The following COL24A1 variants were observed in gnomAD, a reference collection of about 807,000 sequenced individuals.
The protein encoded by COL24A1 is collagen alpha-1(XXIV) chain.
Under a neutral mutation model 253.9 loss-of-function variants are expected in COL24A1, and 224 were observed. The ratio of observed to expected loss-of-function variants is 0.88; its 90% CI spans 0.79 to 0.99. The LOEUF (loss-of-function observed/expected upper bound fraction) is 0.99, where lower values mean the gene tolerates loss of function less well. COL24A1 is among the 50% of genes least tolerant of loss of function. COL24A1 has a pLI of 0.00. For synonymous variants in COL24A1, 685 were observed against 673.7 expected (o/e 1.02, Z -0.26); for missense variants, 2,131 against 2,068.5 (o/e 1.03, Z -0.59).
chr1:86,092,220 T>C, intron 6 of COL24A1, 47 bp downstream of exon 6: 1 of 1,398,596 alleles, frequency 7.2e-7, no homozygotes, highest in East Asian at 2.3e-5. Context: ...TATTTTAAAA[T>C]GCTTGAAATA....
Position 86,092,314 on chromosome 1 carries a change from T to C in COL24A1, c.1606A>G (p.Lys536Glu). The change falls in exon 6 of 60, where the codon AAA (lysine) becomes GAA (glutamate). Residue 536 changes from lysine (K) to glutamate (E), a missense_variant. By Grantham distance (56) the Lys-to-Glu change is moderately conservative. Transcript: ENST00000370571. ...CCTGGGGAAAATCCTGGATCTCCTT[T>C]GGGGCCCTAAATAAAATAGTTATAA... is the stretch of plus-strand genomic sequence containing the variant. The part of the protein sequence containing the change: ...LPGLPGPKGP[K>E]GDPGFSPGQP... 1 of 1,605,150 alleles carries C rather than the reference T, an allele frequency of 6.2e-7. No homozygotes were observed. The highest frequency in any genetic ancestry group is 8.5e-7 in the Non-Finnish European group (1 of 1,173,358).
intron 19 of COL24A1, among the ~76,000 whole-genome samples, chr1:85,996,419 T>C (rs954669445): frequency 1.3e-5 from 2 of 151,748 alleles, no homozygotes; most frequent in African/African-American, 4.8e-5. Context: ...CTCACACCTG[T>C]AATCCTAGCA....
At chr1:86,060,983 A>C (rs1701045703) in intron 8 of COL24A1, among the ~76,000 whole-genome samples, 1 of 151,998 alleles carries the variant, frequency 6.6e-6, no homozygotes, top group Admixed American at 6.6e-5. Context: ...ATATTATCTT[A>C]TTCAATCTAC....
chr1:85,991,701 G>A lies in COL24A1; in HGVS notation c.2311-4047C>T, dbSNP rs542777188. 3.2e-4 allele frequency among the ~76,000 whole-genome samples: 49 copies of A among 152,224 alleles called. No individual in the cohort carries two copies. The South Asian group carries it at 9.7e-3, about 30-fold the overall frequency. ...CTCTGCTCCTTAAAACGTCATTAAA[G>A]TATCAGTGGAGAAATATTAAAAAGA... is the stretch of plus-strand genomic sequence containing the variant. On this transcript the variant is annotated intron_variant, in intron 19 of 59. Coordinates refer to ENST00000370571, the MANE Select transcript of COL24A1 (RefSeq NM_152890.7).
intron 2 of COL24A1, among the ~76,000 whole-genome samples, chr1:86,129,118 A>C (rs570669534): frequency 6.6e-6 from 1 of 151,900 alleles, no homozygotes; most frequent in South Asian, 2.1e-4. Context: ...AATCTCTTCT[A>C]TGTTAATTGA....
At chr1:85,772,520 C>G (rs568770989) in intron 53 of COL24A1, among the ~76,000 whole-genome samples, 1 of 151,660 alleles carries the variant, frequency 6.6e-6, no homozygotes, top group African/African-American at 2.4e-5. Flanking sequence ...ATGTTTATTG[C>G]GGCGTTATTC....
At chr1:86,060,522 G>A (rs577063110) in intron 8 of COL24A1, among the ~76,000 whole-genome samples, 4 of 152,102 alleles carry the variant, frequency 2.6e-5, no homozygotes, top group Non-Finnish European at 5.9e-5. Flanking sequence ...ACAGACCAAG[G>A]AAATGAAAAA....
At chr1:85,822,913 T>C (rs1469530730) in intron 45 of COL24A1, among the ~76,000 whole-genome samples, 1 of 152,184 alleles carries the variant, frequency 6.6e-6, no homozygotes, top group African/African-American at 2.4e-5. Flanking sequence ...GCAAAATTCT[T>C]GTTAGGTCAG....
intron 9 of COL24A1, among the ~76,000 whole-genome samples, chr1:86,058,608 C>T (rs1700832546): frequency 2.0e-5 from 3 of 151,466 alleles, no homozygotes; most frequent in Non-Finnish European, 3.0e-5. Context: ...TATTAATCTA[C>T]ATGAAGTACA....
intron 24 of COL24A1, among the ~76,000 whole-genome samples, chr1:85,923,704 C>A (rs1052737756): frequency 2.6e-5 from 4 of 152,030 alleles, no homozygotes; most frequent in African/African-American, 9.7e-5. Context: ...ACTAAATGCC[C>A]ACAAGAGAAA....
intron 32 of COL24A1, among the ~76,000 whole-genome samples, chr1:85,885,377 G>GTATATATA (rs1553213698): frequency 1.5e-5 from 2 of 135,958 alleles, no homozygotes; most frequent in African/African-American, 5.4e-5. Context: ...ATTTTTGTGT[G>GTATATATA]TATATATATA....
intron 7 of COL24A1, among the ~76,000 whole-genome samples, chr1:86,070,160 T>C (rs1701774926): frequency 6.6e-6 from 1 of 152,066 alleles, no homozygotes; most frequent in African/African-American, 2.4e-5. Flanking sequence ...AAGCAGAAAT[T>C]CCACAGTTGA....
At chr1:85,790,283 G>C (rs1245383140) in intron 47 of COL24A1, among the ~76,000 whole-genome samples, 1 of 152,150 alleles carries the variant, frequency 6.6e-6, no homozygotes, top group Non-Finnish European at 1.5e-5. Flanking sequence ...AGTCTTGGGA[G>C]GGTGTATATG....
At chr1:85,895,957 A>C in intron 30 of COL24A1, 55 bp from the exon 31 acceptor site, 1 of 1,601,372 alleles carries the variant, frequency 6.2e-7, no homozygotes, top group South Asian at 1.1e-5. Context: ...AAGATTAATC[A>C]TACTAAGAAA....
intron 4 of COL24A1, among the ~76,000 whole-genome samples, chr1:86,113,786 G>A (rs6686446): frequency 0.2 from 24,926 of 126,096 alleles, 2,221 homozygotes; most frequent in Middle Eastern, 0.33. Context: ...AGTGAGCTAT[G>A]ATACCCATCA....
chr1:86,136,817 C>T (rs1650325996), intron 2 of COL24A1, among the ~76,000 whole-genome samples: 1 of 152,076 alleles, frequency 6.6e-6, no homozygotes, highest in Admixed American at 6.6e-5. Context: ...TCTAGATAGC[C>T]ACCAAAATTG....
At chr1:86,039,084 C>T (rs1430105139) in intron 12 of COL24A1, among the ~76,000 whole-genome samples, 4 of 152,090 alleles carry the variant, frequency 2.6e-5, no homozygotes, top group Admixed American at 2.6e-4. Context: ...GCATGTGATG[C>T]CAGTGCTAAG....
rs1687696418 is a variant in COL24A1, at chr1:85,930,354, G to A, written c.2563-18921C>T. On this transcript the variant is annotated intron_variant, in intron 24 of 59. Coordinates refer to ENST00000370571, the MANE Select transcript of COL24A1 (RefSeq NM_152890.7). Reference sequence around the variant, plus strand: ...TCTAGAAGAAATGGATACATTCCTCGACACATACACTCTCCCAAGACTAAA... The same window carrying A: ...TCTAGAAGAAATGGATACATTCCTCAACACATACACTCTCCCAAGACTAAA... 6.4e-5 allele frequency among the ~76,000 whole-genome samples: 2 copies of A among 31,340 alleles called. 1 individual carries two copies. The highest frequency in any genetic ancestry group is 9.7e-4 in the Admixed American group (2 of 2,054). 20.6% of individuals were successfully genotyped at this position (31,340 alleles called of 152,430 possible).
chr1:85,793,155 G>A (rs1670472465), intron 47 of COL24A1, among the ~76,000 whole-genome samples: 1 of 151,694 alleles, frequency 6.6e-6, no homozygotes. Flanking sequence ...AGATAATTAA[G>A]TATATTTTTA....
Sources: gnomAD v4.1 joint callset for allele counts (sites outside exome capture counted in the v4.1 genomes callset) on GRCh38, gnomAD v4.1.1 for gene constraint, MANE v1.5 for transcripts, NCBI Gene and HGNC (gene_info 2026-07-23, HGNC 2026-07-21) for gene names.